CBFA2T2: variants seen among roughly 807,000 people sequenced by gnomAD.
CBFA2T2 encodes the protein CBFA2/RUNX1 partner transcriptional co-repressor 2, also known as protein CBFA2T2.
A neutral mutation model predicts 62.2 loss-of-function variants in CBFA2T2; 11 were observed. The observed-to-expected ratio is 0.18, with a 90% CI of 0.11 to 0.29. The LOEUF (loss-of-function observed/expected upper bound fraction) is 0.29. Among genes scored for constraint, CBFA2T2 ranks in the 10% least tolerant of loss-of-function variants. The pLI, the probability that CBFA2T2 is intolerant of heterozygous loss-of-function variation, is 1.00. For synonymous variants in CBFA2T2, 295 were observed against 287.5 expected (o/e 1.03, Z -0.27); for missense variants, 592 against 774.1 (o/e 0.76, Z 2.79).
Position 33,607,071 on chromosome 20 carries a change from G to A in CBFA2T2, c.150G>A (p.Pro50=), listed in dbSNP as rs372667109. ...TCCCACCAATAAATCCTGGAGGACC[G>A]AGGCCAGTGTCCTTCACTCCTACTG... is the stretch of plus-strand genomic sequence containing the variant. ...PPLPPINPGG[P]RPVSFTPTAL... The change falls in exon 2 of 11, where the codon CCG becomes CCA. Residue 50 remains proline, a synonymous_variant. Transcript: ENST00000342704. 2.4e-4 allele frequency: 387 copies of A among 1,613,874 alleles called. No homozygotes were observed. Among genetic ancestry groups the A allele is most frequent in the Admixed American group, 3.0e-4 (18 of 59,980 alleles).
chr20:33,614,236 T>C (rs1054758036), intron 3 of CBFA2T2, among the ~76,000 whole-genome samples: 7 of 152,320 alleles, frequency 4.6e-5, no homozygotes, highest in African/African-American at 1.4e-4. Context: ...TTTTTTTCCA[T>C]AGTAAAATAT....
At chr20:33,491,000 T>A (rs932357714) in intron 1 of CBFA2T2, among the ~76,000 whole-genome samples, 3 of 152,204 alleles carry the variant, frequency 2.0e-5, no homozygotes, top group Non-Finnish European at 4.4e-5. Flanking sequence ...CTAGCCGTGT[T>A]AAGATTTTGT....
intron 10 of CBFA2T2, among the ~76,000 whole-genome samples, chr20:33,641,427 A>G (rs2016834302): frequency 1.3e-5 from 2 of 152,212 alleles, no homozygotes; most frequent in Admixed American, 6.5e-5. Flanking sequence ...AAATCAACAA[A>G]CTGAAAAAGA....
intron 1 of CBFA2T2, among the ~76,000 whole-genome samples, chr20:33,568,689 A>G (rs2013436667): frequency 6.6e-6 from 1 of 152,128 alleles, no homozygotes. Flanking sequence ...ATTAGCATTA[A>G]AAACCCATCT....
intron 1 of CBFA2T2, among the ~76,000 whole-genome samples, chr20:33,516,764 C>A (rs887474083): frequency 6.6e-6 from 1 of 152,200 alleles, no homozygotes; most frequent in Admixed American, 6.5e-5. Context: ...GTAATACTCA[C>A]GCAGTGTTTT....
Position 33,503,543 on chromosome 20 carries a change from G to A in CBFA2T2, c.34+13242G>A, listed in dbSNP as rs564451456. Among the ~76,000 whole-genome samples the A allele has an allele frequency of 8.3e-4, 126 of 152,148 alleles. 1 individual carries two copies. Among genetic ancestry groups the A allele is most frequent in the African/African-American group, 2.8e-3 (118 of 41,524 alleles). On this transcript the variant is annotated intron_variant, in intron 1 of 10. Transcript: ENST00000342704. ...GCTGGGATTGCAGGCGTGAGCCACCGCACCTGGCCATTTTGTGTGTATTTT... is the reference window on the plus strand; with the variant it reads ...GCTGGGATTGCAGGCGTGAGCCACCACACCTGGCCATTTTGTGTGTATTTT...
At chr20:33,583,900 G>A (rs2014232722) in intron 1 of CBFA2T2, among the ~76,000 whole-genome samples, 1 of 152,038 alleles carries the variant, frequency 6.6e-6, no homozygotes, top group Non-Finnish European at 1.5e-5. Flanking sequence ...TTGTCATTTG[G>A]TTTAAGTGAT....
chr20:33,532,991 C>G (rs918486802), intron 1 of CBFA2T2, among the ~76,000 whole-genome samples: 16 of 151,992 alleles, frequency 1.1e-4, no homozygotes, highest in African/African-American at 3.6e-4. Context: ...ACAGCTGTTT[C>G]AAACTGCATG....
intron 1 of CBFA2T2, among the ~76,000 whole-genome samples, chr20:33,492,225 G>A (rs1052966260): frequency 1.3e-5 from 2 of 151,658 alleles, no homozygotes; most frequent in East Asian, 3.9e-4. Flanking sequence ...CACCATATTG[G>A]TCAGGCTGGT....
chr20:33,561,137 A>C (rs59622088), intron 1 of CBFA2T2, among the ~76,000 whole-genome samples: 12,318 of 152,106 alleles, frequency 0.081, 1,305 homozygotes, highest in African/African-American at 0.22. Context: ...CGGCCTCCAA[A>C]AGTGCTGGGA....
chr20:33,644,748 C>T lies in CBFA2T2; in HGVS notation c.*102C>T. 1 of 1,272,648 alleles carries T rather than the reference C, an allele frequency of 7.9e-7. No homozygotes were observed. Among genetic ancestry groups the T allele is most frequent in the Non-Finnish European group, 1.1e-6 (1 of 917,400 alleles). 78.8% of individuals were successfully genotyped at this position (1,272,648 alleles called of 1,614,324 possible). On this transcript the variant is annotated 3_prime_UTR_variant, in exon 11 of 11. Transcript: ENST00000342704. ...GTGCATGTAGCTGCCGGGTCATCAG[C>T]AAGAAATGAATTGGAGGCAGGAAGA...
chr20:33,606,508 A>G (rs1299641222), intron 1 of CBFA2T2, among the ~76,000 whole-genome samples: 1 of 152,092 alleles, frequency 6.6e-6, no homozygotes, highest in East Asian at 1.9e-4. Flanking sequence ...CAGAGGACAA[A>G]TGTGTCCCCT....
chr20:33,492,321 A>G (rs2011152954), intron 1 of CBFA2T2, among the ~76,000 whole-genome samples: 1 of 151,662 alleles, frequency 6.6e-6, no homozygotes, highest in Non-Finnish European at 1.5e-5. Flanking sequence ...GCCTGACCAG[A>G]AAGGACTTTT....
intron 1 of CBFA2T2, among the ~76,000 whole-genome samples, chr20:33,550,385 C>T (rs943447794): frequency 2.6e-5 from 4 of 152,100 alleles, no homozygotes; most frequent in African/African-American, 9.7e-5. Flanking sequence ...AACTCCCCTC[C>T]CCCTATTTTA....
At chr20:33,639,569 G>T in intron 9 of CBFA2T2, 1 of 149,344 alleles carries the variant, frequency 6.7e-6, no homozygotes, top group Admixed American at 6.9e-5. Flanking sequence ...GCGGGACTCC[G>T]TCGCAAAAAA....
At chr20:33,579,139 C>T (rs192100795) in intron 1 of CBFA2T2, among the ~76,000 whole-genome samples, 18 of 140,790 alleles carry the variant, frequency 1.3e-4, no homozygotes, top group Non-Finnish European at 2.6e-4. Context: ...TTAAGGAAAG[C>T]GTCTCCTTCT....
chr20:33,574,071 G>C, intron 1 of CBFA2T2: 1 of 1,472,602 alleles, frequency 6.8e-7, no homozygotes. Flanking sequence ...TTACAGGCAA[G>C]AGCCACCATA....
At chr20:33,551,404 C>T (rs374189099) in intron 1 of CBFA2T2, among the ~76,000 whole-genome samples, 3 of 151,878 alleles carry the variant, frequency 2.0e-5, no homozygotes, top group African/African-American at 7.3e-5. Flanking sequence ...TTAGTAGAGA[C>T]GGGGTTTCTC....
intron 1 of CBFA2T2, among the ~76,000 whole-genome samples, chr20:33,601,156 C>T (rs73119181): frequency 0.14 from 21,636 of 152,152 alleles, 2,003 homozygotes; most frequent in East Asian, 0.39. Flanking sequence ...TAGTCTAATC[C>T]GCCCACCTCA....
Sources: allele counts gnomAD v4.1 joint callset (sites outside exome capture counted in the v4.1 genomes callset), GRCh38; gene constraint gnomAD v4.1.1; transcripts MANE v1.5; gene names NCBI Gene and HGNC (gene_info 2026-07-23, HGNC 2026-07-21).